Variants in PRKCB observed in about 807,000 individuals in gnomAD.
The protein encoded by PRKCB is protein kinase C beta type.
A neutral mutation model predicts 81.5 loss-of-function variants in PRKCB; 13 were observed. The ratio of observed to expected loss-of-function variants is 0.16; its 90% confidence interval spans 0.10 to 0.25. The LOEUF is 0.25. Among genes scored for constraint, PRKCB ranks in the 10% least tolerant of loss-of-function variants. The pLI is 1.00. For synonymous variants in PRKCB, 335 were observed against 321.4 expected (o/e 1.04, Z -0.45); for missense variants, 509 against 875.7 (o/e 0.58, Z 5.29).
chr16:23,932,298 CT>C (rs1433100319), intron 2 of PRKCB, among the ~76,000 whole-genome samples: 1 of 152,246 alleles, frequency 6.6e-6, no homozygotes, highest in East Asian at 1.9e-4. Context: ...ATTGTTATTG[CT>C]TTTACTGGGT....
chr16:24,083,531 A>T (rs2141894272), intron 5 of PRKCB, among the ~76,000 whole-genome samples: 1 of 152,368 alleles, frequency 6.6e-6, no homozygotes, highest in Non-Finnish European at 1.5e-5. Context: ...ACACAACAAC[A>T]TGGATGACCC....
intron 16 of PRKCB, among the ~76,000 whole-genome samples, chr16:24,194,351 C>CA (rs1236668317): frequency 1.3e-5 from 2 of 150,656 alleles, no homozygotes; most frequent in Admixed American, 6.6e-5. Flanking sequence ...AACAAAAAAA[C>CA]AAAAAACAAC....
intron 2 of PRKCB, among the ~76,000 whole-genome samples, chr16:23,860,171 A>T (rs1962641522): frequency 6.6e-6 from 1 of 152,160 alleles, no homozygotes; most frequent in Admixed American, 6.5e-5. Flanking sequence ...GACCTACCTA[A>T]TAAGAGTTGT....
intron 2 of PRKCB, among the ~76,000 whole-genome samples, chr16:23,936,225 G>C (rs1964055960): frequency 6.7e-6 from 1 of 150,360 alleles, no homozygotes; most frequent in Admixed American, 6.6e-5. Flanking sequence ...TATTTGGCTA[G>C]TAAGCACCAG....
At chr16:23,911,128 CTTTTTTTTTTTTTTTTT>C (rs567904157) in intron 2 of PRKCB, among the ~76,000 whole-genome samples, 1 of 31,558 alleles carries the variant, frequency 3.2e-5, no homozygotes, top group African/African-American at 1.3e-4. Flanking sequence ...CGTATATATG[CTTTTTTTTTTTTTTTTT>C]TTTTTTTTGA....
intron 12 of PRKCB, among the ~76,000 whole-genome samples, chr16:24,176,988 G>A (rs1269777593): frequency 1.3e-5 from 2 of 151,936 alleles, no homozygotes; most frequent in Non-Finnish European, 2.9e-5. Context: ...CAAAGAGACA[G>A]GCATCATGGG....
At chr16:23,863,705 A>G (rs1597214852) in intron 2 of PRKCB, among the ~76,000 whole-genome samples, 1 of 152,248 alleles carries the variant, frequency 6.6e-6, no homozygotes, top group South Asian at 2.1e-4. Context: ...GGCAGCCTGG[A>G]GTCAGTCTTG....
chr16:24,109,148 G>A (rs775336281), intron 7 of PRKCB, among the ~76,000 whole-genome samples: 16,674 of 81,912 alleles, frequency 0.2, 38 homozygotes, highest in Non-Finnish European at 0.28. Context: ...GCGGCTGGCC[G>A]GGCGGGGGGC....
intron 2 of PRKCB, among the ~76,000 whole-genome samples, chr16:23,986,048 A>C (rs1373655995): frequency 6.6e-6 from 1 of 152,210 alleles, no homozygotes; most frequent in Non-Finnish European, 1.5e-5. Flanking sequence ...ATTTCACATC[A>C]GATTCCAAGA....
At chr16:23,920,787 C>T (rs1334295153) in intron 2 of PRKCB, among the ~76,000 whole-genome samples, 1 of 152,228 alleles carries the variant, frequency 6.6e-6, no homozygotes, top group Non-Finnish European at 1.5e-5. Context: ...AGTTATTTAA[C>T]AGAAGTGTTC....
intron 9 of PRKCB, among the ~76,000 whole-genome samples, chr16:24,148,878 A>G (rs1213305422): frequency 6.6e-6 from 1 of 152,188 alleles, no homozygotes; most frequent in Non-Finnish European, 1.5e-5. Flanking sequence ...GGCCCTTTAT[A>G]GAGAAAGAGG....
chr16:24,069,034 TA>T (rs1334788112), intron 5 of PRKCB, among the ~76,000 whole-genome samples: 3 of 152,232 alleles, frequency 2.0e-5, no homozygotes, highest in Non-Finnish European at 4.4e-5. Context: ...GTAACATTCC[TA>T]TGAGCCAACA....
chr16:24,102,740 A>G (rs1966524507), intron 7 of PRKCB, among the ~76,000 whole-genome samples: 1 of 151,986 alleles, frequency 6.6e-6, no homozygotes, highest in East Asian at 1.9e-4. Context: ...ATTTTCTTCA[A>G]GGAATTAACT....
intron 2 of PRKCB, among the ~76,000 whole-genome samples, chr16:23,982,077 C>G (rs1434349210): frequency 3.4e-5 from 4 of 116,666 alleles, no homozygotes; most frequent in Non-Finnish European, 3.6e-5. Flanking sequence ...TCTTTCCCTT[C>G]CCTTTCCCTT....
intron 7 of PRKCB, chr16:24,098,094 A>G (rs1313386274): frequency 6.6e-6 from 1 of 152,194 alleles, no homozygotes; most frequent in Non-Finnish European, 1.5e-5. Context: ...TTAACTTTGG[A>G]ATGCCCTTGG....
At chr16:24,166,350 A>T (rs919749581) in intron 10 of PRKCB, among the ~76,000 whole-genome samples, 1 of 152,216 alleles carries the variant, frequency 6.6e-6, no homozygotes, top group Admixed American at 6.5e-5. Flanking sequence ...CTTGGTAAAG[A>T]TCTTAAAGCT....
rs1421216151 is a variant in PRKCB at position 24,217,797 on chromosome 16, C to T, written c.*2981C>T. ...AAAAAGGCAGCTTTGTGTCTTCTAG[C>T]TCCAAATATACCTGCCTTTTAGCTC... On this transcript the variant is annotated 3_prime_UTR_variant, in exon 17 of 17. Coordinates refer to ENST00000643927, the MANE Select transcript of PRKCB (RefSeq NM_002738.7). The T allele has an allele frequency of 3.0e-6, 3 of 985,306 alleles. No homozygotes were observed. The highest frequency in any genetic ancestry group is 1.7e-5 in the African/African-American group (1 of 57,230). The allele number at this position is 985,306 out of a possible 1,614,324, so 61.0% of individuals were successfully genotyped here.
At chr16:23,946,003 G>C (rs566373307) in intron 2 of PRKCB, among the ~76,000 whole-genome samples, 84 of 152,332 alleles carry the variant, frequency 5.5e-4, no homozygotes, top group Non-Finnish European at 1.1e-3. Context: ...ATGACTTCAT[G>C]TATATGACAT....
intron 2 of PRKCB, among the ~76,000 whole-genome samples, chr16:23,876,927 T>C (rs974214881): frequency 6.6e-6 from 1 of 152,088 alleles, no homozygotes; most frequent in African/African-American, 2.4e-5. Flanking sequence ...ATCCTTTGGT[T>C]GCAAGTAACA....
Sources: allele counts gnomAD v4.1 joint callset (sites outside exome capture counted in the v4.1 genomes callset), GRCh38; gene constraint gnomAD v4.1.1; transcripts MANE v1.5; gene names NCBI Gene and HGNC (gene_info 2026-07-23, HGNC 2026-07-21).